EIF4E3: variants seen among roughly 807,000 people sequenced by gnomAD.
EIF4E3 encodes the protein eukaryotic translation initiation factor 4E family member 3.
EIF4E3 carries 26 observed loss-of-function variants against 31.7 expected under a neutral mutation model. The observed-to-expected ratio is 0.82, with a 90% confidence interval of 0.60 to 1.14. The LOEUF is 1.14. Among genes scored for constraint, EIF4E3 ranks in the 50% most tolerant of loss-of-function variants. The pLI is 0.00. For synonymous variants in EIF4E3, 128 were observed against 107.7 expected (o/e 1.19, Z -1.17); for missense variants, 304 against 270.9 (o/e 1.12, Z -0.86).
rs532912633 is a variant in EIF4E3 at position 71,716,164 on chromosome 3, C to CA, written c.177-5681dup. On this transcript the variant is annotated intron_variant, in intron 1 of 6. Coordinates refer to ENST00000425534, the MANE Select transcript of EIF4E3 (RefSeq NM_001134651.2). The stretch of plus-strand genomic sequence containing the variant: ...CGCTAGATGCCACTAGAATCCCTGG[C>CA]AAAAAAAATACCCCCAAATGTAATA... Among the ~76,000 whole-genome samples, 29 of 150,846 alleles carry CA rather than the reference C, an allele frequency of 1.9e-4. No homozygotes were observed. The Middle Eastern group carries it at 0.014, about 71-fold the overall frequency.
intron 1 of EIF4E3, among the ~76,000 whole-genome samples, chr3:71,717,697 G>T (rs191276963): frequency 5.1e-4 from 77 of 152,284 alleles, no homozygotes; most frequent in African/African-American, 1.8e-3. Flanking sequence ...GGACACCAGG[G>T]CTTGGAGTCA....
intron 1 of EIF4E3, among the ~76,000 whole-genome samples, chr3:71,737,089 A>G (rs1362998451): frequency 6.6e-6 from 1 of 152,242 alleles, no homozygotes; most frequent in Admixed American, 6.5e-5. Flanking sequence ...AAGTATGATT[A>G]TCATCTCCCA....
chr3:71,736,002 G>C (rs897530285), intron 1 of EIF4E3, among the ~76,000 whole-genome samples: 2 of 152,134 alleles, frequency 1.3e-5, no homozygotes, highest in South Asian at 2.1e-4. Context: ...CAAAAGACCT[G>C]AGCAAACATC....
At chr3:71,688,807 G>C (rs2049026131) in intron 6 of EIF4E3, among the ~76,000 whole-genome samples, 1 of 152,166 alleles carries the variant, frequency 6.6e-6, no homozygotes, top group Admixed American at 6.5e-5. Flanking sequence ...CAGCCAATAA[G>C]CAACTTCTGC....
chr3:71,692,290 A>C (rs1163806520), intron 5 of EIF4E3, among the ~76,000 whole-genome samples: 1 of 152,226 alleles, frequency 6.6e-6, no homozygotes, highest in Admixed American at 6.5e-5. Flanking sequence ...TGACTTGCTT[A>C]AAGTGTCATA....
chr3:71,730,566 G>A (rs992879686), intron 1 of EIF4E3, among the ~76,000 whole-genome samples: 7 of 152,196 alleles, frequency 4.6e-5, no homozygotes, highest in South Asian at 2.1e-4. Flanking sequence ...CATCTGCAGT[G>A]AGGACACTGA....
chr3:71,687,682 C>T (rs2049012007), intron 6 of EIF4E3, among the ~76,000 whole-genome samples: 1 of 152,164 alleles, frequency 6.6e-6, no homozygotes, highest in Admixed American at 6.5e-5. Context: ...TTGTGAGTTT[C>T]TCAGTCAAAT....
chr3:71,673,254 T>C (rs945857840), downstream of EIF4E3, among the ~76,000 whole-genome samples: 1 of 152,200 alleles, frequency 6.6e-6, no homozygotes, highest in African/African-American at 2.4e-5. Flanking sequence ...AATTACAGAG[T>C]AAGCAATCTT....
At chr3:71,704,416 C>T (rs1005941350) in intron 2 of EIF4E3, among the ~76,000 whole-genome samples, 3 of 152,222 alleles carry the variant, frequency 2.0e-5, no homozygotes, top group Admixed American at 6.5e-5. Flanking sequence ...TCCTACAGCG[C>T]TGAGCAACAT....
intron 2 of EIF4E3, 143 bp downstream of exon 2, chr3:71,710,269 A>C (rs2049355957): frequency 6.9e-6 from 6 of 865,520 alleles, no homozygotes; most frequent in Admixed American, 2.1e-5. Flanking sequence ...GGTCAAGGGC[A>C]GCTGTGCCAA....
At chr3:71,660,857 C>T in the EIF4E3 span, among the ~76,000 whole-genome samples, 2 of 152,286 alleles carry the variant, frequency 1.3e-5, no homozygotes, top group Non-Finnish European at 2.9e-5. Flanking sequence ...CAGGTGCTAT[C>T]TCCTGCAGGC....
chr3:71,751,444 C>G (rs1418581944), intron 1 of EIF4E3, among the ~76,000 whole-genome samples: 3 of 152,128 alleles, frequency 2.0e-5, no homozygotes, highest in Non-Finnish European at 4.4e-5. Flanking sequence ...GGCAAGTGCT[C>G]AGTAAAAGGT....
At position 71,686,817 on chromosome 3, in the gene EIF4E3, T is replaced by C. The variant is rs531785878; in HGVS notation, c.629-2089A>G. Among the ~76,000 whole-genome samples, 61 of 152,296 alleles carry C rather than the reference T, an allele frequency of 4.0e-4. No individual in the cohort carries two copies. In the South Asian group the frequency reaches 9.3e-3, roughly 23 times the overall value. On this transcript the variant is annotated intron_variant, in intron 6 of 6. Coordinates refer to ENST00000425534, the MANE Select transcript of EIF4E3 (RefSeq NM_001134651.2). ...CAATGTTGATGGGTTAAAGAGACAG[T>C]ACAACAGAACATTCAGAATTGGGAG... is the stretch of plus-strand genomic sequence containing the variant.
Position 71,682,258 on chromosome 3 carries a change from T to C in EIF4E3, c.*2424A>G, listed in dbSNP as rs1440066552. ...AAGACAAAAAAGCAAGCTCTTTGGT[T>C]TCTGCATGGTTCTTTGCAGACTACA... On this transcript the variant is annotated 3_prime_UTR_variant, in exon 7 of 7. Transcript: ENST00000425534. The C allele has an allele frequency of 6.6e-6, 1 of 152,218 alleles. No individual in the cohort carries two copies. Among genetic ancestry groups the C allele is most frequent in the Admixed American group, 6.5e-5 (1 of 15,284 alleles). 9.4% of individuals were successfully genotyped at this position (152,218 alleles called of 1,614,324 possible).
chr3:71,749,774 A>T (rs1419170909), intron 1 of EIF4E3, among the ~76,000 whole-genome samples: 2 of 152,232 alleles, frequency 1.3e-5, no homozygotes, highest in Non-Finnish European at 2.9e-5. Flanking sequence ...AAATTTTCTT[A>T]TAGGAAAAAA....
At chr3:71,748,211 T>C (rs1311212015) in intron 1 of EIF4E3, among the ~76,000 whole-genome samples, 4 of 152,180 alleles carry the variant, frequency 2.6e-5, no homozygotes, top group Non-Finnish European at 5.9e-5. Flanking sequence ...TATGTGATTT[T>C]TTTTTTCAAT....
At chr3:71,712,809 T>A (rs2049401797) in intron 1 of EIF4E3, among the ~76,000 whole-genome samples, 1 of 151,338 alleles carries the variant, frequency 6.6e-6, no homozygotes, top group Admixed American at 6.6e-5. Flanking sequence ...TTATGTCAAT[T>A]TTAAGCAAAC....
upstream of EIF4E3, chr3:71,754,729 G>T: frequency 6.8e-7 from 1 of 1,465,028 alleles, no homozygotes; most frequent in South Asian, 1.3e-5. This position sits in a 1 kb window ranked among gnomAD's most constrained non-coding sequence, Gnocchi z 5.8. Flanking sequence ...AGCCACGACT[G>T]GACCTTCCAC....
chr3:71,712,014 C>G lies in EIF4E3; in HGVS notation c.177-1530G>C, dbSNP rs963727852. Among the ~76,000 whole-genome samples the G allele has an allele frequency of 1.3e-5, 2 of 152,142 alleles. 1 individual carries two copies. The highest frequency in any genetic ancestry group is 6.3e-3 in the Middle Eastern group (2 of 316). On this transcript the variant is annotated intron_variant, in intron 1 of 6. Coordinates refer to ENST00000425534, the MANE Select transcript of EIF4E3 (RefSeq NM_001134651.2). ...ACAAAAAATGCAATTCTGAATACCG[C>G]TTCCTTATCAGAAGGTCACTAAAGA...
Sources: gnomAD v4.1 joint callset for allele counts (sites outside exome capture counted in the v4.1 genomes callset) on GRCh38, gnomAD v4.1.1 for gene constraint, Gnocchi (gnomAD v3.1) non-coding constraint, MANE v1.5 for transcripts, NCBI Gene and HGNC (gene_info 2026-07-23, HGNC 2026-07-21) for gene names.